TTC28: variants seen among roughly 807,000 people sequenced by gnomAD.
TTC28 encodes tetratricopeptide repeat domain 28, also known as tetratricopeptide repeat protein 28.
Under a neutral mutation model 198.0 loss-of-function variants are expected in TTC28, and 61 were observed. The ratio of observed to expected loss-of-function variants is 0.31; its 90% confidence interval spans 0.25 to 0.38. The LOEUF (loss-of-function observed/expected upper bound fraction) is 0.38. Ranked by LOEUF, TTC28 falls within the 10% of genes least tolerant of loss-of-function variation. TTC28 has a pLI of 1.00. For missense variants in TTC28, 2,678 were observed against 3,164.0 expected, an observed-to-expected ratio of 0.85 and a Z score of 3.69; for synonymous variants, 1,171 against 1,297.8, an observed-to-expected ratio of 0.90 and a Z score of 2.10.
chr22:28,523,430 A>G (rs902793925), intron 2 of TTC28, among the ~76,000 whole-genome samples: 2 of 152,196 alleles, frequency 1.3e-5, no homozygotes, highest in African/African-American at 4.8e-5. Context: ...GGGCTGGACC[A>G]AGATCTCCCA....
chr22:28,624,230 T>C (rs1451031908), intron 2 of TTC28, among the ~76,000 whole-genome samples: 1 of 151,920 alleles, frequency 6.6e-6, no homozygotes, highest in Non-Finnish European at 1.5e-5. Flanking sequence ...TACAAAAAAT[T>C]AGCCAGGCGT....
chr22:28,571,933 G>A (rs2050066477), intron 2 of TTC28, among the ~76,000 whole-genome samples: 1 of 145,000 alleles, frequency 6.9e-6, no homozygotes, highest in South Asian at 2.2e-4. Flanking sequence ...TGGGCAACAA[G>A]AGCGAGACTC....
At chr22:28,533,604 C>T (rs1162054621) in intron 2 of TTC28, among the ~76,000 whole-genome samples, 1 of 152,186 alleles carries the variant, frequency 6.6e-6, no homozygotes, top group Non-Finnish European at 1.5e-5. Context: ...ATTGCCAAGA[C>T]AATCCTAAGC....
intron 12 of TTC28, among the ~76,000 whole-genome samples, chr22:28,082,541 G>A (rs1314889372): frequency 1.3e-5 from 2 of 152,200 alleles, no homozygotes; most frequent in African/African-American, 2.4e-5. Context: ...TTAATGTGGT[G>A]TATTACGCTG....
chr22:28,465,835 T>C (rs2048012144), intron 2 of TTC28, among the ~76,000 whole-genome samples: 1 of 152,110 alleles, frequency 6.6e-6, no homozygotes, highest in Non-Finnish European at 1.5e-5. Flanking sequence ...ATCTTCGACA[T>C]ATAACTTTCA....
chr22:28,471,918 C>G (rs1029721153), intron 2 of TTC28, among the ~76,000 whole-genome samples: 1 of 152,104 alleles, frequency 6.6e-6, no homozygotes, highest in African/African-American at 2.4e-5. Context: ...AAGGTCTATT[C>G]AAAGCCAGAG....
intron 6 of TTC28, among the ~76,000 whole-genome samples, chr22:28,155,107 T>C (rs1261695737): frequency 6.6e-6 from 1 of 152,238 alleles, no homozygotes; most frequent in African/African-American, 2.4e-5. Flanking sequence ...ATGTATCTCA[T>C]AGATGTTATT....
intron 19 of TTC28, among the ~76,000 whole-genome samples, chr22:27,991,994 A>G (rs1230333170): frequency 6.6e-6 from 1 of 152,182 alleles, no homozygotes; most frequent in African/African-American, 2.4e-5. Flanking sequence ...GCGTGGGAAC[A>G]CCTGCAGCCA....
intron 2 of TTC28, among the ~76,000 whole-genome samples, chr22:28,327,522 A>G (rs188753850): frequency 6.6e-6 from 1 of 152,342 alleles, no homozygotes; most frequent in East Asian, 1.9e-4. Flanking sequence ...CACATATAAA[A>G]GAAGGTTATG....
chr22:28,321,818 C>G (rs1432218445), intron 2 of TTC28, among the ~76,000 whole-genome samples: 2 of 152,032 alleles, frequency 1.3e-5, no homozygotes, highest in Non-Finnish European at 2.9e-5. Flanking sequence ...ATAGGTATCA[C>G]GTTTGGGCCT....
Position 27,999,091 on chromosome 22 carries a change from A to T in TTC28, c.4568T>A (p.Leu1523Gln), listed in dbSNP as rs1937605535. 6.4e-7 allele frequency: 1 copy of T among 1,550,492 alleles called. No individual in the cohort carries two copies. Among genetic ancestry groups the T allele is most frequent in the South Asian group, 1.2e-5 (1 of 84,068 alleles). ...CTCCTTGGTGGCCACACTGCCCACT[A>T]GGGGCTGGCAGCCCAGCAGCTCGGA... ...MVSELLGCQP[L>Q]VGSVATKERV... is the part of the protein sequence containing the mutation. Residue 1523 changes from leucine (L) to glutamine (Q), a missense_variant, in exon 16 of 23, where the codon CTA becomes CAA. By Grantham distance (113) the Leu-to-Gln change is moderately radical. Transcript: ENST00000397906.
At chr22:27,989,120 C>T (rs1284613401) in intron 21 of TTC28, among the ~76,000 whole-genome samples, 2 of 152,186 alleles carry the variant, frequency 1.3e-5, no homozygotes, top group African/African-American at 4.8e-5. Context: ...TGTGTTCTAT[C>T]AACAGATGCA....
At chr22:28,398,452 G>T (rs1437971909) in intron 2 of TTC28, among the ~76,000 whole-genome samples, 7 of 152,168 alleles carry the variant, frequency 4.6e-5, no homozygotes, top group Admixed American at 4.6e-4. Context: ...GCATAAAGAA[G>T]GGATGAAAGA....
chr22:28,347,255 C>A (rs1288805814), intron 2 of TTC28, among the ~76,000 whole-genome samples: 1 of 149,694 alleles, frequency 6.7e-6, no homozygotes, highest in African/African-American at 2.5e-5. Flanking sequence ...CAGAGTGAGA[C>A]CCTGTCTCAA....
chr22:28,028,133 G>T (rs1188615925), intron 13 of TTC28, among the ~76,000 whole-genome samples: 2 of 152,194 alleles, frequency 1.3e-5, no homozygotes, highest in Non-Finnish European at 2.9e-5. Context: ...CTCATCCAAA[G>T]GGTCGGGGTT....
At chr22:28,164,416 C>A (rs1457892975) in intron 5 of TTC28, among the ~76,000 whole-genome samples, 1 of 152,184 alleles carries the variant, frequency 6.6e-6, no homozygotes, top group African/African-American at 2.4e-5. Context: ...ACTGACACCT[C>A]ACATGGCAGG....
chr22:28,078,666 G>A (rs929681921), intron 12 of TTC28, among the ~76,000 whole-genome samples: 4 of 152,020 alleles, frequency 2.6e-5, no homozygotes, highest in Non-Finnish European at 5.9e-5. Context: ...GGAAAATATA[G>A]TCTATAAAAC....
chr22:28,463,779 G>C (rs1166418020), intron 2 of TTC28, among the ~76,000 whole-genome samples: 2 of 151,980 alleles, frequency 1.3e-5, no homozygotes, highest in Non-Finnish European at 1.5e-5. Flanking sequence ...GGGGGAGGGG[G>C]AGGGATAGCA....
chr22:28,576,632 G>C (rs1338079250), intron 2 of TTC28, among the ~76,000 whole-genome samples: 1 of 152,016 alleles, frequency 6.6e-6, no homozygotes, highest in South Asian at 2.1e-4. Context: ...CCTTTGCAGG[G>C]AGACTTTTTA....
Sources: allele counts gnomAD v4.1 joint callset (sites outside exome capture counted in the v4.1 genomes callset), GRCh38; gene constraint gnomAD v4.1.1; transcripts MANE v1.5; gene names NCBI Gene and HGNC (gene_info 2026-07-23, HGNC 2026-07-21).